The following TRERF1 variants were observed in gnomAD, a reference collection of about 807,000 sequenced individuals.
TRERF1 encodes transcriptional-regulating factor 1.
TRERF1 carries 27 observed loss-of-function variants against 122.9 expected under a neutral mutation model. The observed-to-expected ratio is 0.22, with a 90% CI of 0.16 to 0.30. The LOEUF (loss-of-function observed/expected upper bound fraction) is 0.30, where lower values mean the gene tolerates loss of function less well. TRERF1 is among the 10% of genes least tolerant of loss of function. The pLI is 1.00. For synonymous variants in TRERF1, 636 were observed against 641.7 expected, an observed-to-expected ratio of 0.99 and a Z score of 0.13; for missense variants, 1,248 against 1,560.3, an observed-to-expected ratio of 0.80 and a Z score of 3.37.
rs145934768 is a variant in TRERF1, at chr6:42,424,384, G to A, written c.-454+26793C>T. 2.2e-3 allele frequency among the ~76,000 whole-genome samples: 333 copies of A among 152,260 alleles called. 1 individual carries two copies. The highest frequency in any genetic ancestry group is 6.8e-3 in the Middle Eastern group (2 of 294). ...TGAATGCCAACATGACAACACAAGTGGAAAATTCTACACTTGACCTCAGTC... is the reference window on the plus strand; with the variant it reads ...TGAATGCCAACATGACAACACAAGTAGAAAATTCTACACTTGACCTCAGTC... On this transcript the variant is annotated intron_variant, in intron 2 of 17. Transcript: ENST00000372922.
intron 4 of TRERF1, among the ~76,000 whole-genome samples, chr6:42,290,718 T>G (rs1478873062): frequency 6.6e-6 from 1 of 150,926 alleles, no homozygotes; most frequent in East Asian, 1.9e-4. Context: ...GAAAATTAAT[T>G]TATCCTTTTT....
chr6:42,428,866 T>C (rs897905769), intron 2 of TRERF1, among the ~76,000 whole-genome samples: 3 of 152,152 alleles, frequency 2.0e-5, no homozygotes, highest in African/African-American at 2.4e-5. Context: ...CTTCCACACA[T>C]TAATTATTCC....
At chr6:42,290,670 C>T (rs1784142898) in intron 4 of TRERF1, among the ~76,000 whole-genome samples, 1 of 135,918 alleles carries the variant, frequency 7.4e-6, no homozygotes, top group Non-Finnish European at 1.6e-5. Flanking sequence ...AATCTCACAG[C>T]AAGGAGAGAA....
At chr6:42,381,025 C>T (rs950089382) in intron 2 of TRERF1, among the ~76,000 whole-genome samples, 3 of 152,252 alleles carry the variant, frequency 2.0e-5, no homozygotes, top group Admixed American at 6.5e-5. Flanking sequence ...TATCTTCCAT[C>T]AGGCTGGATA....
chr6:42,440,180 G>C (rs1051869565), intron 2 of TRERF1, among the ~76,000 whole-genome samples: 6 of 152,104 alleles, frequency 3.9e-5, no homozygotes, highest in African/African-American at 1.2e-4. Flanking sequence ...AACATCCTGA[G>C]CACTCTACCC....
chr6:42,317,185 T>C (rs1762635660), intron 3 of TRERF1, among the ~76,000 whole-genome samples: 1 of 152,036 alleles, frequency 6.6e-6, no homozygotes, highest in East Asian at 1.9e-4. Flanking sequence ...GGGAGACCAA[T>C]TTGAGTAATA....
At chr6:42,415,191 T>G (rs1443994615) in intron 2 of TRERF1, among the ~76,000 whole-genome samples, 2 of 152,214 alleles carry the variant, frequency 1.3e-5, no homozygotes, top group Admixed American at 6.5e-5. Context: ...CACTTACACT[T>G]CTTTTCTGTG....
intron 4 of TRERF1, among the ~76,000 whole-genome samples, chr6:42,277,844 TAAG>T (rs1554141509): frequency 3.1e-5 from 3 of 95,548 alleles, no homozygotes; most frequent in Non-Finnish European, 6.9e-5. Context: ...AATAAATAAA[TAAG>T]AAGAAGAAAG....
intron 3 of TRERF1, among the ~76,000 whole-genome samples, chr6:42,348,143 T>C (rs538697510): frequency 2.1e-4 from 32 of 152,302 alleles, no homozygotes; most frequent in African/African-American, 7.7e-4. Flanking sequence ...AATTGAAACA[T>C]ACTTAACCCT....
chr6:42,312,599 G>A (rs903446151), intron 3 of TRERF1, among the ~76,000 whole-genome samples: 9 of 152,214 alleles, frequency 5.9e-5, no homozygotes, highest in Admixed American at 3.3e-4. Flanking sequence ...CAATGCTGGC[G>A]CTGGGTGTGC....
chr6:42,360,612 A>T (rs1176123348), intron 3 of TRERF1, among the ~76,000 whole-genome samples: 2 of 151,790 alleles, frequency 1.3e-5, no homozygotes, highest in East Asian at 3.9e-4. Flanking sequence ...AGTATGGTGG[A>T]TGTCAGCTGC....
At chr6:42,337,016 G>A (rs756346982) in intron 3 of TRERF1, among the ~76,000 whole-genome samples, 2 of 152,232 alleles carry the variant, frequency 1.3e-5, no homozygotes, top group African/African-American at 4.8e-5. Context: ...GGTGCGTGCA[G>A]AAGAGTGGGC....
intron 3 of TRERF1, among the ~76,000 whole-genome samples, chr6:42,360,757 A>G (rs1252857375): frequency 1.0e-4 from 13 of 130,386 alleles, no homozygotes; most frequent in Non-Finnish European, 1.6e-4. Flanking sequence ...CCAGGGAGGA[A>G]GGAGTGGAGA....
At chr6:42,264,994 C>A (rs1265683254) in intron 6 of TRERF1, 140 bp from the exon 7 acceptor site, 20 of 893,540 alleles carry the variant, frequency 2.2e-5, no homozygotes, top group Non-Finnish European at 2.9e-5. Flanking sequence ...ACTTGTATCA[C>A]CCCAGTGCCC....
chr6:42,281,115 T>TGGG (rs1300303276), intron 4 of TRERF1, among the ~76,000 whole-genome samples: 1 of 152,116 alleles, frequency 6.6e-6, no homozygotes, highest in Non-Finnish European at 1.5e-5. Context: ...CATGCTCCCC[T>TGGG]GGGAAGCCCC....
chr6:42,362,822 C>T (rs574461221), intron 3 of TRERF1, 175 bp downstream of exon 3: 1 of 153,920 alleles, frequency 6.5e-6, no homozygotes, highest in East Asian at 1.9e-4. Flanking sequence ...TTATGTGAAT[C>T]CACAATCCCT....
chr6:42,390,484 G>T (rs772570209), intron 2 of TRERF1, among the ~76,000 whole-genome samples: 1 of 152,162 alleles, frequency 6.6e-6, no homozygotes, highest in Non-Finnish European at 1.5e-5. Context: ...AGTACATATC[G>T]CAAGCTTTGT....
chr6:42,244,666 C>T (rs1774427455), intron 14 of TRERF1, among the ~76,000 whole-genome samples: 1 of 152,310 alleles, frequency 6.6e-6, no homozygotes, highest in South Asian at 2.1e-4. Context: ...ACCCATAAAG[C>T]AGCTGCTTTT....
intron 4 of TRERF1, among the ~76,000 whole-genome samples, chr6:42,297,699 A>G (rs1482702584): frequency 6.6e-6 from 1 of 152,236 alleles, no homozygotes; most frequent in African/African-American, 2.4e-5. Context: ...TAACTAGAAA[A>G]TTAATTTAAA....
Sources: allele counts gnomAD v4.1 joint callset (sites outside exome capture counted in the v4.1 genomes callset), GRCh38; gene constraint gnomAD v4.1.1; transcripts MANE v1.5; gene names NCBI Gene and HGNC (gene_info 2026-07-23, HGNC 2026-07-21).